Variants in NDUFA12 observed in about 807,000 individuals in gnomAD.
NDUFA12 encodes NADH:ubiquinone oxidoreductase subunit A12.
In NDUFA12, 17 loss-of-function variants were observed where a neutral mutation model predicts 20.3. The observed-to-expected ratio is 0.84, with a 90% CI of 0.57 to 1.26. NDUFA12 has a LOEUF of 1.26. Ranked by LOEUF, NDUFA12 falls within the 50% of genes most tolerant of loss-of-function variation. NDUFA12 has a pLI of 0.00. For synonymous variants in NDUFA12, 72 were observed against 63.6 expected (o/e 1.13, Z -0.63); for missense variants, 191 against 183.7 (o/e 1.04, Z -0.23).
chr12:95,001,852 A>ACGC (rs1875045647), intron 2 of NDUFA12, among the ~76,000 whole-genome samples: 1 of 151,714 alleles, frequency 6.6e-6, no homozygotes, highest in Non-Finnish European at 1.5e-5. Flanking sequence ...TTACAGGCAC[A>ACGC]CGCCACCACA....
chr12:94,984,606 G>A (rs1272259282), intron 3 of NDUFA12, among the ~76,000 whole-genome samples: 4 of 150,706 alleles, frequency 2.7e-5, no homozygotes, highest in Non-Finnish European at 5.9e-5. Context: ...TCCAAGGCTG[G>A]AACAGAGAAA....
chr12:94,987,525 G>A (rs1332098253), intron 3 of NDUFA12, among the ~76,000 whole-genome samples: 1 of 152,062 alleles, frequency 6.6e-6, no homozygotes, highest in African/African-American at 2.4e-5. Flanking sequence ...GCACGGCTGG[G>A]TGTGGTGGCT....
At chr12:94,978,215 T>C (rs1237229599) in intron 3 of NDUFA12, among the ~76,000 whole-genome samples, 1 of 152,172 alleles carries the variant, frequency 6.6e-6, no homozygotes, top group Non-Finnish European at 1.5e-5. Flanking sequence ...CTGATTTACA[T>C]TTAAAAATAT....
chr12:94,983,648 C>G (rs1874314825), intron 3 of NDUFA12, among the ~76,000 whole-genome samples: 1 of 152,140 alleles, frequency 6.6e-6, no homozygotes, highest in Admixed American at 6.5e-5. Context: ...CTGTCTTAAG[C>G]TAAGTTTAGG....
At chr12:94,985,167 A>T (rs1471124584) in intron 3 of NDUFA12, among the ~76,000 whole-genome samples, 3 of 151,970 alleles carry the variant, frequency 2.0e-5, no homozygotes, top group African/African-American at 4.8e-5. Context: ...TATAAAAAAA[A>T]TTTTTAAATT....
chr12:94,980,106 C>T (rs954812017), intron 3 of NDUFA12, among the ~76,000 whole-genome samples: 3 of 152,210 alleles, frequency 2.0e-5, no homozygotes, highest in African/African-American at 7.2e-5. Context: ...TCCCTTTCCT[C>T]CTACCTTGCT....
At chr12:94,972,941 T>C (rs972047104) in intron 3 of NDUFA12, among the ~76,000 whole-genome samples, 2 of 150,636 alleles carry the variant, frequency 1.3e-5, no homozygotes, top group African/African-American at 4.9e-5. Flanking sequence ...TGTCCCAGCC[T>C]CTAAGACCTG....
intron 3 of NDUFA12, among the ~76,000 whole-genome samples, chr12:94,974,033 G>C (rs552988010): frequency 6.8e-6 from 1 of 145,992 alleles, no homozygotes; most frequent in South Asian, 2.2e-4. Context: ...GTGCAGTGGT[G>C]ATATCTTGGC....
chr12:94,995,774 G>C (rs1206454197), intron 2 of NDUFA12, among the ~76,000 whole-genome samples: 1 of 152,146 alleles, frequency 6.6e-6, no homozygotes, highest in East Asian at 1.9e-4. Context: ...CAGGTTTACA[G>C]TAGCATCATT....
In NDUFA12 at chr12:94,994,387, G is replaced by A. The variant is rs188265149; in HGVS notation, c.170-130C>T. 107 of 689,662 alleles carry A rather than the reference G, an allele frequency of 1.6e-4. No individual in the cohort carries two copies. The African/African-American group carries it at 1.7e-3, about 11-fold the overall frequency. The allele number at this position is 689,662 out of a possible 1,614,324, so 42.7% of individuals were successfully genotyped here. On this transcript the variant is annotated intron_variant, in intron 2 of 3. Transcript: ENST00000327772. ...ATCTTATATAAGAGAGCTATTGGAG[G>A]AATAACACCCTGGGTGAATTCGTGA... is the stretch of plus-strand genomic sequence containing the variant.
chr12:94,992,652 A>G (rs1874681431), intron 3 of NDUFA12, among the ~76,000 whole-genome samples: 1 of 152,234 alleles, frequency 6.6e-6, no homozygotes, highest in Admixed American at 6.5e-5. Context: ...GTTCCTGCCT[A>G]GCTCACTCTC....
chr12:94,975,378 C>T (rs926335207), intron 3 of NDUFA12, among the ~76,000 whole-genome samples: 15 of 152,140 alleles, frequency 9.9e-5, no homozygotes, highest in Non-Finnish European at 1.9e-4. Context: ...TTAATCAAGG[C>T]AATGCACATT....
At chr12:94,990,282 A>AC (rs1396108195) in intron 3 of NDUFA12, among the ~76,000 whole-genome samples, 8 of 151,730 alleles carry the variant, frequency 5.3e-5, no homozygotes, top group East Asian at 3.9e-4. Flanking sequence ...AAAAAAAAAA[A>AC]ACAAAAAAAC....
At chr12:94,989,996 A>G (rs1874582774) in intron 3 of NDUFA12, among the ~76,000 whole-genome samples, 1 of 152,160 alleles carries the variant, frequency 6.6e-6, no homozygotes, top group Admixed American at 6.5e-5. Flanking sequence ...AACAAAAACC[A>G]GGACACCTCA....
intron 2 of NDUFA12, among the ~76,000 whole-genome samples, chr12:95,001,055 A>G (rs528121072): frequency 6.6e-6 from 1 of 152,250 alleles, no homozygotes; most frequent in Non-Finnish European, 1.5e-5. Context: ...CCGTGATCCC[A>G]GCACTTTGGG....
rs771799306 is a variant in NDUFA12 at position 95,003,662 on chromosome 12, G to C, written c.19C>G (p.Leu7Val). 1.9e-6 allele frequency: 3 copies of C among 1,614,186 alleles called. No homozygotes were observed. In the Admixed American group the frequency reaches 5.0e-5, roughly 27 times the overall value. ...GTGATCTGCTGCAGCCCGCGTTTCAGGACCTGCACTAACTCCATCTTGCCT... is the reference window on the plus strand; with the variant it reads ...GTGATCTGCTGCAGCCCGCGTTTCACGACCTGCACTAACTCCATCTTGCCT... MELVQVLKRGLQQITGH... is the reference protein window; with the variant it reads MELVQVVKRGLQQITGH... Residue 7 changes from leucine (L) to valine (V), a missense_variant, in exon 1 of 4, where the codon CTG becomes GTG. Coordinates refer to ENST00000327772, the MANE Select transcript of NDUFA12 (RefSeq NM_018838.5).
chr12:94,991,564 T>G (rs1018360700), intron 3 of NDUFA12, among the ~76,000 whole-genome samples: 4 of 150,864 alleles, frequency 2.7e-5, no homozygotes, highest in Non-Finnish European at 4.4e-5. Context: ...CTGTCTGTAG[T>G]AAAAGTACAA....
intron 2 of NDUFA12, among the ~76,000 whole-genome samples, chr12:94,998,600 G>A (rs541160901): frequency 3.3e-5 from 5 of 152,222 alleles, no homozygotes; most frequent in Non-Finnish European, 7.4e-5. Flanking sequence ...CATCCAAAAA[G>A]CTCCTAGACC....
intron 2 of NDUFA12, 44 bp from the exon 3 acceptor site, chr12:94,994,301 T>A: frequency 1.4e-6 from 2 of 1,448,008 alleles, no homozygotes; most frequent in Admixed American, 1.7e-5. Flanking sequence ...CTTTTTTTTT[T>A]AAAGCATAGA....
Sources: allele counts gnomAD v4.1 joint callset (sites outside exome capture counted in the v4.1 genomes callset), GRCh38; gene constraint gnomAD v4.1.1; transcripts MANE v1.5; gene names NCBI Gene and HGNC (gene_info 2026-07-23, HGNC 2026-07-21).